VSTM2B: variants seen among roughly 807,000 people sequenced by gnomAD.
VSTM2B encodes V-set and transmembrane domain containing 2B.
VSTM2B carries 24 observed loss-of-function variants against 24.0 expected under a neutral mutation model. The observed-to-expected ratio is 1.00, with a 90% CI of 0.72 to 1.40. The LOEUF is 1.40. Ranked by LOEUF, VSTM2B falls within the 40% of genes most tolerant of loss-of-function variation. VSTM2B has a pLI of 0.00. For missense variants in VSTM2B, 399 were observed against 416.4 expected (o/e 0.96, Z 0.36); for synonymous variants, 226 against 194.4 (o/e 1.16, Z -1.35).
At chr19:29,553,111 T>G (rs1268692350) in intron 4 of VSTM2B, among the ~76,000 whole-genome samples, 1 of 151,016 alleles carries the variant, frequency 6.6e-6, no homozygotes, top group Non-Finnish European at 1.5e-5. Flanking sequence ...TGCCAAGGGG[T>G]AGCAAAAGTG....
intron 4 of VSTM2B, among the ~76,000 whole-genome samples, chr19:29,549,683 A>G (rs530050831): frequency 3.3e-5 from 5 of 152,252 alleles, no homozygotes; most frequent in African/African-American, 1.2e-4. Flanking sequence ...TCTGGACCAT[A>G]TATGTCTCCC....
chr19:29,552,295 T>C (rs1970302330), intron 4 of VSTM2B, among the ~76,000 whole-genome samples: 1 of 152,188 alleles, frequency 6.6e-6, no homozygotes. Context: ...AGGTTGCAAA[T>C]CCTAGGTCCT....
intron 4 of VSTM2B, among the ~76,000 whole-genome samples, chr19:29,547,963 C>A (rs1970189219): frequency 6.6e-6 from 1 of 152,074 alleles, no homozygotes; most frequent in Non-Finnish European, 1.5e-5. Context: ...GGGCAGAGGG[C>A]AGTCATCAAA....
At chr19:29,553,192 A>G (rs2145505147) in intron 4 of VSTM2B, among the ~76,000 whole-genome samples, 1 of 149,360 alleles carries the variant, frequency 6.7e-6, no homozygotes, top group East Asian at 1.9e-4. Context: ...AGGAGTGTTC[A>G]TGCTGGCATC....
rs1969718967 is a variant in VSTM2B, at chr19:29,530,344, T to C, written c.769+54T>C. ...CGCGGGGATGGCGCAGGGCTAGGGC[T>C]GCGCCGGGACGCCCCGGGGGGCTCC... On this transcript the variant is annotated intron_variant, in intron 4 of 4. Transcript: ENST00000335523. The C allele has an allele frequency of 2.1e-6, 3 of 1,411,744 alleles. No individual in the cohort carries two copies. The East Asian group carries it at 9.2e-5, about 43-fold the overall frequency. 87.5% of individuals were successfully genotyped at this position (1,411,744 alleles called of 1,614,324 possible). A position where few individuals can be genotyped will look rare whatever the true frequency, so the allele number is the denominator to read the frequency against.
chr19:29,547,876 G>A (rs1249113744), intron 4 of VSTM2B, among the ~76,000 whole-genome samples: 2 of 151,908 alleles, frequency 1.3e-5, no homozygotes, highest in Non-Finnish European at 2.9e-5. Context: ...CAGGGGAATG[G>A]TCAGATTGAA....
chr19:29,551,544 T>C (rs529481317), intron 4 of VSTM2B, among the ~76,000 whole-genome samples: 6 of 152,176 alleles, frequency 3.9e-5, no homozygotes, highest in Non-Finnish European at 7.3e-5. Flanking sequence ...CTTATCCTGC[T>C]CACTATCTGA....
At position 29,527,198 on chromosome 19, in the gene VSTM2B, T is replaced by TC. The variant is rs1969600798; in HGVS notation, c.83-9dup. The TC allele has an allele frequency of 6.5e-7, 1 of 1,544,146 alleles. No individual in the cohort carries two copies. Among genetic ancestry groups the TC allele is most frequent in the African/African-American group, 1.4e-5 (1 of 72,496 alleles). On this transcript the variant is annotated splice_polypyrimidine_tract_variant and intron_variant, in intron 1 of 4. Coordinates refer to ENST00000335523, the MANE Select transcript of VSTM2B (RefSeq NM_001146339.2). ...ACAGCTGGTCACGCCTCTCTCTCTCTCCCCACCCCCAGCTGCATTCACAGA... is the reference window on the plus strand; with the variant it reads ...ACAGCTGGTCACGCCTCTCTCTCTCTCCCCCACCCCCAGCTGCATTCACAGA...
At chr19:29,536,907 C>A (rs571159558) in intron 4 of VSTM2B, among the ~76,000 whole-genome samples, 32 of 152,364 alleles carry the variant, frequency 2.1e-4, no homozygotes, top group African/African-American at 6.5e-4. Flanking sequence ...ATTAGTTCTG[C>A]TCTGTGTGGA....
chr19:29,556,980 G>T (rs10418900), intron 4 of VSTM2B, among the ~76,000 whole-genome samples: 12,293 of 152,148 alleles, frequency 0.081, 1,055 homozygotes, highest in African/African-American at 0.22. Context: ...TAGATTCAAT[G>T]CCATTCCCAT....
rs1969712277 is a variant in VSTM2B, at chr19:29,530,229, T to C, written c.708T>C (p.Ala236=). 6.7e-7 allele frequency: 1 copy of C among 1,502,306 alleles called. No individual in the cohort carries two copies. The highest frequency in any genetic ancestry group is 8.8e-7 in the Non-Finnish European group (1 of 1,132,376). The allele number at this position is 1,502,306 out of a possible 1,614,324, so 93.1% of individuals were successfully genotyped here. The stretch of plus-strand genomic sequence containing the variant: ...CCACCACAGTCGCGGCAGCTGCTGC[T>C]GCCTCGTCAGCGTCGCCGCCATCGG... ...TPTTTVAAAA[A]ASSASPPSGQ... is the part of the protein sequence containing the mutation. Residue 236 remains alanine, a synonymous_variant, in exon 4 of 5, where the codon GCT becomes GCC. Coordinates refer to ENST00000335523, the MANE Select transcript of VSTM2B (RefSeq NM_001146339.2).
intron 4 of VSTM2B, among the ~76,000 whole-genome samples, chr19:29,542,896 A>G (rs767125891): frequency 4.9e-4 from 74 of 152,160 alleles, no homozygotes; most frequent in Non-Finnish European, 9.7e-4. Context: ...AAGTGGTGGT[A>G]GGTCCCAGAA....
chr19:29,526,614 G>C lies in VSTM2B; in HGVS notation c.31G>C (p.Gly11Arg). 2.0e-6 allele frequency: 3 copies of C among 1,529,226 alleles called. No homozygotes were observed. The highest frequency in any genetic ancestry group is 2.6e-6 in the Non-Finnish European group (3 of 1,143,292). 94.7% of individuals were successfully genotyped at this position (1,529,226 alleles called of 1,614,324 possible). The change falls in exon 1 of 5, where the codon GGA becomes CGA. Residue 11 changes from glycine (G) to arginine (R), a missense_variant. Physicochemically the swap from Gly to Arg is moderately radical, Grantham distance 125. Coordinates refer to ENST00000335523, the MANE Select transcript of VSTM2B (RefSeq NM_001146339.2). This position sits in a 1 kb window ranked among gnomAD's most constrained non-coding sequence, Gnocchi z 4.1. The stretch of plus-strand genomic sequence containing the variant: ...ACAGCGGAACCGGCTCGGTGCCCTC[G>C]GATACCTGCCGCCTCTGCTGCTGCA... MEQRNRLGALGYLPPLLLHAL... is the reference protein window; with the variant it reads MEQRNRLGALRYLPPLLLHAL...
chr19:29,528,534 T>C, intron 3 of VSTM2B, 72 bp downstream of exon 3: 2 of 1,532,556 alleles, frequency 1.3e-6, no homozygotes, highest in Non-Finnish European at 8.8e-7. Flanking sequence ...CTCCCTCCCT[T>C]AGCAAGCCGC....
chr19:29,550,401 C>T (rs1970251261), intron 4 of VSTM2B, among the ~76,000 whole-genome samples: 1 of 152,186 alleles, frequency 6.6e-6, no homozygotes, highest in Admixed American at 6.5e-5. Context: ...CACTGTACTC[C>T]AGCCTGGGTG....
chr19:29,546,653 G>A (rs951666562), intron 4 of VSTM2B, among the ~76,000 whole-genome samples: 9 of 152,188 alleles, frequency 5.9e-5, no homozygotes, highest in African/African-American at 1.2e-4. Context: ...AGGCAGCCTC[G>A]CCGTCCCCGC....
chr19:29,531,077 G>A lies in VSTM2B; in HGVS notation c.769+787G>A, dbSNP rs889458026. Among the ~76,000 whole-genome samples, 8 of 150,490 alleles carry A rather than the reference G, an allele frequency of 5.3e-5. No homozygotes were observed. The South Asian group carries it at 8.4e-4, about 16-fold the overall frequency. ...ACCCCCTGGTAGGCAGCTCTGGGGC[G>A]GTAGGAGCCATTGGCAGAGGCAGGG... On this transcript the variant is annotated intron_variant, in intron 4 of 4. Coordinates refer to ENST00000335523, the MANE Select transcript of VSTM2B (RefSeq NM_001146339.2).
At chr19:29,525,883 C>A (rs1448058986), upstream of VSTM2B, 1 of 8,428 alleles carries the variant, frequency 1.2e-4, no homozygotes, top group Non-Finnish European at 2.5e-4. Context: ...GGGGCGGGGG[C>A]GGGGCGGGCT....
intron 4 of VSTM2B, among the ~76,000 whole-genome samples, chr19:29,551,240 A>G (rs967115106): frequency 1.3e-5 from 2 of 151,844 alleles, no homozygotes; most frequent in Non-Finnish European, 2.9e-5. Flanking sequence ...CCTTCTCCCC[A>G]CTCTCCAGGA....
Sources: gnomAD v4.1 joint callset for allele counts (sites outside exome capture counted in the v4.1 genomes callset) on GRCh38, gnomAD v4.1.1 for gene constraint, Gnocchi (gnomAD v3.1) non-coding constraint, MANE v1.5 for transcripts, NCBI Gene and HGNC (gene_info 2026-07-23, HGNC 2026-07-21) for gene names.